CEP112: variants seen among roughly 807,000 people sequenced by gnomAD.
CEP112 encodes the protein centrosomal protein of 112 kDa.
Under a neutral mutation model 153.0 loss-of-function variants are expected in CEP112, and 127 were observed. The ratio of observed to expected loss-of-function variants is 0.83; its 90% CI spans 0.72 to 0.96. The LOEUF (loss-of-function observed/expected upper bound fraction) is 0.96, where lower values mean the gene tolerates loss of function less well. Ranked by LOEUF, CEP112 falls within the 40% of genes least tolerant of loss-of-function variation. The pLI is 0.00. For synonymous variants in CEP112, 358 were observed against 374.4 expected, an observed-to-expected ratio of 0.96 and a Z score of 0.51; for missense variants, 1,089 against 1,101.2, an observed-to-expected ratio of 0.99 and a Z score of 0.16.
At chr17:65,675,433 T>C (rs1299060719) in intron 24 of CEP112, among the ~76,000 whole-genome samples, 2 of 152,166 alleles carry the variant, frequency 1.3e-5, no homozygotes, top group Non-Finnish European at 2.9e-5. Context: ...CTCGAATGCC[T>C]GACCTCAAGT....
chr17:65,946,530 CA>C (rs2061654290), intron 18 of CEP112, among the ~76,000 whole-genome samples: 1 of 152,058 alleles, frequency 6.6e-6, no homozygotes, highest in South Asian at 2.1e-4. Flanking sequence ...TTCCACTGGT[CA>C]TCTTGTGCCA....
intron 18 of CEP112, among the ~76,000 whole-genome samples, chr17:65,944,576 C>G (rs34375513): frequency 6.6e-6 from 1 of 151,858 alleles, no homozygotes; most frequent in Non-Finnish European, 1.5e-5. Flanking sequence ...AATTAAAACT[C>G]TATTTTTTTT....
chr17:65,757,189 A>T (rs2052338560), intron 21 of CEP112, among the ~76,000 whole-genome samples: 1 of 152,132 alleles, frequency 6.6e-6, no homozygotes, highest in East Asian at 1.9e-4. Flanking sequence ...GCTGTGAGAG[A>T]ATGAATTTCT....
intron 6 of CEP112, among the ~76,000 whole-genome samples, chr17:66,114,313 G>T (rs750121398): frequency 2.1e-4 from 32 of 151,814 alleles, no homozygotes; most frequent in Admixed American, 7.9e-4. Flanking sequence ...TGATTGTCAG[G>T]GTTTTCTGTC....
intron 17 of CEP112, among the ~76,000 whole-genome samples, chr17:65,983,298 G>T (rs1568336795): frequency 1.3e-5 from 2 of 152,186 alleles, no homozygotes; most frequent in Non-Finnish European, 2.9e-5. Context: ...GCCTACAGGG[G>T]CCAACTAACA....
chr17:65,990,964 C>T lies in CEP112; in HGVS notation c.1736+14726G>A, dbSNP rs138149427. ...ACAGCGGAGATCTGGCAGGATTCAT[C>T]ACCTGCTAACTAAAGAGCCTCTGGT... On this transcript the variant is annotated intron_variant, in intron 17 of 26. Transcript: ENST00000535342. 2.2e-3 allele frequency among the ~76,000 whole-genome samples: 341 copies of T among 152,302 alleles called. 3 individuals are homozygous for T. The highest frequency in any genetic ancestry group is 1.7e-3 in the East Asian group (9 of 5,182).
intron 4 of CEP112, among the ~76,000 whole-genome samples, chr17:66,174,745 T>G (rs1483242847): frequency 6.6e-6 from 1 of 152,220 alleles, no homozygotes. Context: ...CAAGGTGGAT[T>G]TGCAGGATAT....
chr17:65,827,092 A>G (rs1233176756), intron 21 of CEP112, among the ~76,000 whole-genome samples: 2 of 152,296 alleles, frequency 1.3e-5, no homozygotes, highest in East Asian at 3.9e-4. Context: ...ATCAGACTCC[A>G]AGTTCTTCAG....
intron 17 of CEP112, among the ~76,000 whole-genome samples, chr17:66,005,000 C>T (rs554022714): frequency 6.6e-6 from 1 of 152,274 alleles, no homozygotes; most frequent in South Asian, 2.1e-4. Context: ...GAATATTTCT[C>T]CAACTAGACT....
intron 17 of CEP112, among the ~76,000 whole-genome samples, chr17:65,982,686 C>T (rs1052130142): frequency 6.6e-6 from 1 of 152,316 alleles, no homozygotes; most frequent in Middle Eastern, 3.4e-3. Flanking sequence ...AAACAGTAAG[C>T]TGTCCCAGCA....
At chr17:66,017,513 T>C (rs957951928) in intron 16 of CEP112, among the ~76,000 whole-genome samples, 1 of 152,196 alleles carries the variant, frequency 6.6e-6, no homozygotes, top group African/African-American at 2.4e-5. Flanking sequence ...TCAATAAGTA[T>C]TGTTTTAAAT....
At chr17:65,881,443 T>C (rs1025206060) in intron 20 of CEP112, among the ~76,000 whole-genome samples, 2 of 152,134 alleles carry the variant, frequency 1.3e-5, no homozygotes, top group Non-Finnish European at 2.9e-5. Flanking sequence ...CATACATTCA[T>C]GTTGCATGTT....
intron 24 of CEP112, among the ~76,000 whole-genome samples, chr17:65,670,717 C>T (rs2046940673): frequency 6.6e-6 from 1 of 152,140 alleles, no homozygotes; most frequent in South Asian, 2.1e-4. Context: ...GGTCAGTATA[C>T]ACCGAACCAA....
At chr17:65,915,876 A>G (rs2060461988) in intron 19 of CEP112, among the ~76,000 whole-genome samples, 1 of 151,812 alleles carries the variant, frequency 6.6e-6, no homozygotes, top group Non-Finnish European at 1.5e-5. Context: ...ATAAAATCCA[A>G]TCTCCCACCA....
In CEP112 at chr17:65,749,376, C is replaced by T. The variant is rs1263861599; in HGVS notation, c.2457+1286G>A. ...ACAAAAAATTAGCTGGGCGTGGTGGCGGGCACCTGTAGTCCCAGCTACTCG... is the reference window on the plus strand; with the variant it reads ...ACAAAAAATTAGCTGGGCGTGGTGGTGGGCACCTGTAGTCCCAGCTACTCG... On this transcript the variant is annotated intron_variant, in intron 22 of 26. Transcript: ENST00000535342. Among the ~76,000 whole-genome samples, 6 of 151,968 alleles carry T rather than the reference C, an allele frequency of 3.9e-5. No individual in the cohort carries two copies. The East Asian group carries it at 5.8e-4, about 15-fold the overall frequency.
chr17:65,639,212 G>A (rs1483146787), intron 25 of CEP112, among the ~76,000 whole-genome samples: 1 of 152,124 alleles, frequency 6.6e-6, no homozygotes, highest in Non-Finnish European at 1.5e-5. Context: ...CAGCTAAAAT[G>A]TGTTCCACAT....
chr17:65,777,717 CCTTTTA>C (rs1480888494), intron 21 of CEP112, among the ~76,000 whole-genome samples: 1 of 152,040 alleles, frequency 6.6e-6, no homozygotes, highest in Non-Finnish European at 1.5e-5. Flanking sequence ...TTTATTCAAA[CCTTTTA>C]TTTTAGTTTA....
chr17:66,030,102 C>T (rs905893593), intron 12 of CEP112, 79 bp from the exon 13 acceptor site: 57 of 1,137,676 alleles, frequency 5.0e-5, no homozygotes, highest in East Asian at 2.4e-4. Context: ...TTGAGGAACA[C>T]GTATAATCTA....
intron 6 of CEP112, among the ~76,000 whole-genome samples, chr17:66,120,970 T>C (rs1340305991): frequency 6.6e-6 from 1 of 152,338 alleles, no homozygotes; most frequent in Admixed American, 6.5e-5. Flanking sequence ...TTTTCTCTCT[T>C]GGTGCTTTCA....
Sources: gnomAD v4.1 joint callset for allele counts (sites outside exome capture counted in the v4.1 genomes callset) on GRCh38, gnomAD v4.1.1 for gene constraint, MANE v1.5 for transcripts, NCBI Gene and HGNC (gene_info 2026-07-23, HGNC 2026-07-21) for gene names.